Variants in HIVEP1 observed in about 807,000 individuals in gnomAD.
HIVEP1 encodes zinc finger protein 40.
A neutral mutation model predicts 180.0 loss-of-function variants in HIVEP1; 36 were observed. The observed-to-expected ratio is 0.20, with a 90% CI of 0.15 to 0.26. The LOEUF is 0.26. HIVEP1 is among the 10% of genes least tolerant of loss of function. The pLI is 1.00. For synonymous variants in HIVEP1, 1,239 were observed against 1,239.0 expected, an observed-to-expected ratio of 1.00 and a Z score of 0.00; for missense variants, 3,143 against 3,268.7, an observed-to-expected ratio of 0.96 and a Z score of 0.94.
chr6:12,046,986 G>A (rs963138694), intron 2 of HIVEP1, among the ~76,000 whole-genome samples: 1 of 150,864 alleles, frequency 6.6e-6, no homozygotes, highest in Non-Finnish European at 1.5e-5. Context: ...TCAGCCTCCC[G>A]AGTAACTGGG....
intron 2 of HIVEP1, among the ~76,000 whole-genome samples, chr6:12,027,476 A>G (rs567106605): frequency 6.6e-6 from 1 of 152,346 alleles, no homozygotes; most frequent in South Asian, 2.1e-4. Context: ...CAAAAGGATT[A>G]GATTGTTAGG....
intron 3 of HIVEP1, among the ~76,000 whole-genome samples, chr6:12,115,114 A>G (rs1775134565): frequency 1.3e-5 from 2 of 152,186 alleles, no homozygotes; most frequent in Admixed American, 1.3e-4. Flanking sequence ...AATATGCTTT[A>G]CCACACTTTA....
intron 3 of HIVEP1, among the ~76,000 whole-genome samples, chr6:12,107,364 C>T (rs1774498466): frequency 6.6e-6 from 1 of 152,204 alleles, no homozygotes; most frequent in Admixed American, 6.5e-5. Flanking sequence ...TCATCTGAGT[C>T]TTTATCCAGT....
intron 2 of HIVEP1, among the ~76,000 whole-genome samples, chr6:12,080,205 G>A (rs1039751425): frequency 1.3e-5 from 2 of 152,216 alleles, no homozygotes; most frequent in African/African-American, 2.4e-5. Flanking sequence ...CTTTTAGCTC[G>A]GCCCCTCACC....
At chr6:12,114,434 C>G (rs149779222) in intron 3 of HIVEP1, among the ~76,000 whole-genome samples, 72 of 152,276 alleles carry the variant, frequency 4.7e-4, no homozygotes, top group African/African-American at 1.7e-3. Context: ...CTGATTTCCC[C>G]TTGTTTCTTT....
At chr6:12,052,056 C>T (rs756342813) in intron 2 of HIVEP1, among the ~76,000 whole-genome samples, 7 of 152,142 alleles carry the variant, frequency 4.6e-5, no homozygotes, top group Non-Finnish European at 8.8e-5. Context: ...AGAGGCTGCA[C>T]GGCTTTTGCT....
intron 7 of HIVEP1, among the ~76,000 whole-genome samples, chr6:12,149,326 G>A (rs1310287170): frequency 6.6e-6 from 1 of 152,192 alleles, no homozygotes; most frequent in Admixed American, 6.5e-5. Flanking sequence ...ACCCCTGCCA[G>A]AGTTTGCAGA....
intron 2 of HIVEP1, among the ~76,000 whole-genome samples, chr6:12,084,895 T>A (rs749521425): frequency 1.3e-5 from 2 of 152,050 alleles, no homozygotes; most frequent in Non-Finnish European, 2.9e-5. Flanking sequence ...CTCTTATAGA[T>A]CTAAGGGAGC....
chr6:12,072,903 T>C (rs1371461983), intron 2 of HIVEP1, among the ~76,000 whole-genome samples: 1 of 152,244 alleles, frequency 6.6e-6, no homozygotes, highest in Non-Finnish European at 1.5e-5. Flanking sequence ...ATAGTTATTT[T>C]ACATCCCTTG....
At chr6:12,088,406 G>A (rs1426534317) in intron 2 of HIVEP1, among the ~76,000 whole-genome samples, 1 of 152,022 alleles carries the variant, frequency 6.6e-6, no homozygotes. Flanking sequence ...ATTTGGAATC[G>A]ATTACTGCCC....
intron 2 of HIVEP1, among the ~76,000 whole-genome samples, chr6:12,017,377 T>G (rs1432495593): frequency 6.6e-6 from 1 of 152,222 alleles, no homozygotes; most frequent in Admixed American, 6.5e-5. Context: ...TCTGGTAGGT[T>G]CGTGGTCTCG....
chr6:12,020,581 C>G (rs1426687049), intron 2 of HIVEP1, among the ~76,000 whole-genome samples: 1 of 151,946 alleles, frequency 6.6e-6, no homozygotes, highest in Non-Finnish European at 1.5e-5. Flanking sequence ...CATGCCTCTT[C>G]CGTTGTGATA....
chr6:12,041,157 C>T (rs1453944298), intron 2 of HIVEP1, among the ~76,000 whole-genome samples: 1 of 152,176 alleles, frequency 6.6e-6, no homozygotes, highest in Non-Finnish European at 1.5e-5. Context: ...CAGTGTGGCT[C>T]ACGCCTGTAA....
chr6:12,023,637 G>A (rs1290934101), intron 2 of HIVEP1, among the ~76,000 whole-genome samples: 1 of 149,110 alleles, frequency 6.7e-6, no homozygotes, highest in African/African-American at 2.4e-5. Flanking sequence ...TGAAAATGGA[G>A]TTAACATAGC....
At chr6:12,182,443 C>T in the HIVEP1 span, among the ~76,000 whole-genome samples, 1 of 152,142 alleles carries the variant, frequency 6.6e-6, no homozygotes, top group South Asian at 2.1e-4. Flanking sequence ...TTATTGGTGA[C>T]TCTAAGAGAT....
rs1008919245 is a variant in HIVEP1, at chr6:12,160,374, G to C, written c.6488-1065G>C. ...GAATGGGTTGAATCATATCACAGAA[G>C]AAATTGACAGGAAATTGTAGCATCT... is the stretch of plus-strand genomic sequence containing the variant. On this transcript the variant is annotated intron_variant, in intron 7 of 8. Transcript: ENST00000379388. Among the ~76,000 whole-genome samples the C allele has an allele frequency of 2.6e-5, 4 of 152,164 alleles. No individual in the cohort carries two copies. The South Asian group carries it at 8.3e-4, about 31-fold the overall frequency.
intron 3 of HIVEP1, among the ~76,000 whole-genome samples, chr6:12,115,501 C>T (rs1775159215): frequency 6.6e-6 from 1 of 151,948 alleles, no homozygotes; most frequent in African/African-American, 2.4e-5. Flanking sequence ...ATTTTGGTCC[C>T]TCTCCTGAGT....
intron 7 of HIVEP1, among the ~76,000 whole-genome samples, chr6:12,145,355 CTGGGGCCTGTCATGGGG>C (rs1284664256): frequency 6.6e-6 from 1 of 151,924 alleles, no homozygotes; most frequent in Non-Finnish European, 1.5e-5. Flanking sequence ...ACATCACACC[CTGGGGCCTGTCATGGGG>C]TGGGGGCCTG....
intron 2 of HIVEP1, chr6:12,038,163 A>T (rs930733145): frequency 2.3e-4 from 38 of 167,066 alleles, no homozygotes; most frequent in Non-Finnish European, 7.7e-5. Context: ...GCAAGGAACA[A>T]TAGTTATTCG....
Sources: gnomAD v4.1 joint callset for allele counts (sites outside exome capture counted in the v4.1 genomes callset) on GRCh38, gnomAD v4.1.1 for gene constraint, MANE v1.5 for transcripts, NCBI Gene and HGNC (gene_info 2026-07-23, HGNC 2026-07-21) for gene names.